PHF14: variants seen among roughly 807,000 people sequenced by gnomAD.
The protein encoded by PHF14 is PHD finger protein 14.
PHF14 carries 55 observed loss-of-function variants against 117.9 expected under a neutral mutation model. That is an observed-to-expected ratio of 0.47 (90% CI 0.38 to 0.58). The LOEUF (loss-of-function observed/expected upper bound fraction) is 0.58. Ranked by LOEUF, PHF14 falls within the 20% of genes least tolerant of loss-of-function variation. The pLI is 0.00. For missense variants in PHF14, 978 were observed against 1,122.2 expected (o/e 0.87, Z 1.84); for synonymous variants, 409 against 368.6 (o/e 1.11, Z -1.26).
At chr7:11,015,821 ATTT>A (rs200930490) in intron 5 of PHF14, among the ~76,000 whole-genome samples, 2 of 131,260 alleles carry the variant, frequency 1.5e-5, no homozygotes, top group Admixed American at 7.7e-5. Flanking sequence ...TCATGCATAG[ATTT>A]TTTTTTTTTT....
intron 17 of PHF14, among the ~76,000 whole-genome samples, chr7:11,136,942 GAT>G (rs1287826766): frequency 6.6e-6 from 1 of 152,112 alleles, no homozygotes; most frequent in African/African-American, 2.4e-5. Flanking sequence ...AATATGTAAA[GAT>G]AAAAAATATT....
intron 16 of PHF14, among the ~76,000 whole-genome samples, chr7:11,083,220 C>T (rs757807505): frequency 6.6e-6 from 1 of 152,170 alleles, no homozygotes; most frequent in African/African-American, 2.4e-5. Flanking sequence ...AGAAGCACCC[C>T]TCTGTGCAGA....
At chr7:11,034,013 T>A (rs12671481) in intron 7 of PHF14, among the ~76,000 whole-genome samples, 11,057 of 152,270 alleles carry the variant, frequency 0.073, 1,232 homozygotes, top group African/African-American at 0.24. Flanking sequence ...TCCCATAGCC[T>A]GTAAATGATA....
intron 16 of PHF14, among the ~76,000 whole-genome samples, chr7:11,084,836 C>T (rs1231920414): frequency 6.6e-6 from 1 of 152,066 alleles, no homozygotes; most frequent in Non-Finnish European, 1.5e-5. Context: ...AATGTTTATT[C>T]ACTCATATAT....
chr7:11,032,916 T>C (rs1165716571), intron 7 of PHF14, among the ~76,000 whole-genome samples: 1 of 152,232 alleles, frequency 6.6e-6, no homozygotes, highest in African/African-American at 2.4e-5. Flanking sequence ...GGAAGATGGA[T>C]CTTACATACT....
At chr7:11,011,394 G>C (rs1043062150) in intron 4 of PHF14, among the ~76,000 whole-genome samples, 4 of 152,074 alleles carry the variant, frequency 2.6e-5, no homozygotes, top group Admixed American at 6.5e-5. Context: ...TCTTACATTG[G>C]ATATATATAA....
At position 11,035,717 on chromosome 7, in the gene PHF14, C is replaced by G. The variant is rs1784301091; in HGVS notation, c.1533C>G (p.Tyr511Ter). The change falls in exon 8 of 18, where the codon TAC becomes TAG. Residue 511 changes from tyrosine to a stop codon, truncating the protein, a stop_gained. Coordinates refer to ENST00000634607, the MANE Select transcript of PHF14 (RefSeq NM_001007157.2). LOFTEE classifies it high-confidence loss of function. ...RLDRKWKRKN[Y>*]LALQSYCKMS... ...ACAGAAAGTGGAAGAGAAAAAACTA[C>G]TTGGCTCTACAGTCCTATTGTAAAA... The G allele has an allele frequency of 6.2e-7, 1 of 1,610,718 alleles. No homozygotes were observed. The highest frequency in any genetic ancestry group is 8.5e-7 in the Non-Finnish European group (1 of 1,177,292).
chr7:11,071,386 A>G, intron 16 of PHF14: 3 of 414,124 alleles, frequency 7.2e-6, no homozygotes, highest in South Asian at 2.0e-5. Context: ...TCTTGCTTAA[A>G]TATCTTAGAA....
intron 4 of PHF14, among the ~76,000 whole-genome samples, chr7:10,998,540 A>G (rs529698157): frequency 3.9e-5 from 6 of 152,346 alleles, no homozygotes; most frequent in African/African-American, 1.4e-4. Flanking sequence ...ATTCATATGA[A>G]TATGATATTA....
chr7:11,128,334 G>A (rs1307063017), intron 17 of PHF14, among the ~76,000 whole-genome samples: 1 of 151,884 alleles, frequency 6.6e-6, no homozygotes, highest in African/African-American at 2.4e-5. Context: ...GGAAAGGGGG[G>A]TGATATTTTT....
intron 17 of PHF14, among the ~76,000 whole-genome samples, chr7:11,143,811 GA>G (rs980954262): frequency 7.2e-5 from 11 of 151,984 alleles, no homozygotes; most frequent in African/African-American, 2.7e-4. Flanking sequence ...CAAGTGACAT[GA>G]AAACTGGAAG....
At chr7:11,122,331 T>TTTTATATA (rs1236770638) in intron 17 of PHF14, among the ~76,000 whole-genome samples, 13 of 84,048 alleles carry the variant, frequency 1.5e-4, no homozygotes, top group Non-Finnish European at 2.6e-4. Flanking sequence ...TTTGTACTTT[T>TTTTATATA]TATATATATA....
chr7:11,147,355 C>T (rs951443766), intron 17 of PHF14, among the ~76,000 whole-genome samples: 4 of 152,056 alleles, frequency 2.6e-5, no homozygotes, highest in South Asian at 2.1e-4. Flanking sequence ...CATTATGATT[C>T]GAAGATGGCT....
At chr7:11,155,398 A>G (rs1788811929) in intron 17 of PHF14, among the ~76,000 whole-genome samples, 1 of 152,206 alleles carries the variant, frequency 6.6e-6, no homozygotes, top group African/African-American at 2.4e-5. Context: ...GCACTGTGTA[A>G]TGCTAGAACC....
At chr7:11,122,820 C>T (rs763955850) in intron 17 of PHF14, among the ~76,000 whole-genome samples, 2 of 152,044 alleles carry the variant, frequency 1.3e-5, no homozygotes, top group Non-Finnish European at 2.9e-5. Flanking sequence ...TTAGTAGTAG[C>T]TTCAGTAGTG....
chr7:11,038,949 C>G (rs915252974), intron 11 of PHF14, 94 bp downstream of exon 11: 4 of 516,808 alleles, frequency 7.7e-6, no homozygotes, highest in Middle Eastern at 5.8e-4. Context: ...TTTGACTAAC[C>G]GAAGAATTCT....
At chr7:11,147,495 C>T (rs1389612945) in intron 17 of PHF14, among the ~76,000 whole-genome samples, 2 of 152,178 alleles carry the variant, frequency 1.3e-5, no homozygotes, top group African/African-American at 4.8e-5. Context: ...TACAATGACT[C>T]TTGTTAATGT....
At chr7:11,012,562 A>G (rs1783389266) in intron 4 of PHF14, among the ~76,000 whole-genome samples, 1 of 152,198 alleles carries the variant, frequency 6.6e-6, no homozygotes, top group East Asian at 1.9e-4. Flanking sequence ...TATCTAAGGC[A>G]ACTTTGCTTT....
At chr7:11,019,227 A>T (rs1174433854) in intron 5 of PHF14, among the ~76,000 whole-genome samples, 4 of 152,144 alleles carry the variant, frequency 2.6e-5, no homozygotes, top group Non-Finnish European at 4.4e-5. Context: ...TGGTTTTGGT[A>T]TCAGAGTAAC....
Sources: allele counts gnomAD v4.1 joint callset (sites outside exome capture counted in the v4.1 genomes callset), GRCh38; gene constraint gnomAD v4.1.1; transcripts MANE v1.5; gene names NCBI Gene and HGNC (gene_info 2026-07-23, HGNC 2026-07-21).